Variants in GALK2 observed in about 807,000 individuals in gnomAD.
GALK2 encodes the protein galactokinase 2.
Under a neutral mutation model 52.4 loss-of-function variants are expected in GALK2, and 36 were observed. That is an observed-to-expected ratio of 0.69 (90% CI 0.53 to 0.91). The LOEUF (loss-of-function observed/expected upper bound fraction) is 0.91. Ranked by LOEUF, GALK2 falls within the 40% of genes least tolerant of loss-of-function variation. The pLI is 0.00. For missense variants in GALK2, 579 were observed against 559.1 expected (o/e 1.04, Z -0.36); for synonymous variants, 176 against 199.1 (o/e 0.88, Z 0.98).
chr15:49,182,787 T>A (rs1012845100), intron 1 of GALK2, among the ~76,000 whole-genome samples: 1 of 152,226 alleles, frequency 6.6e-6, no homozygotes, highest in Admixed American at 6.5e-5. Context: ...TTTTTATGTC[T>A]TTTGAAAAAT....
intron 9 of GALK2, among the ~76,000 whole-genome samples, chr15:49,326,318 C>T (rs2037485887): frequency 7.2e-6 from 1 of 138,244 alleles, no homozygotes; most frequent in Non-Finnish European, 1.5e-5. Context: ...TGGAGTGCAG[C>T]GGTGCAATCT....
chr15:49,189,819 A>G (rs2086601213), intron 1 of GALK2, among the ~76,000 whole-genome samples: 1 of 152,184 alleles, frequency 6.6e-6, no homozygotes, highest in Non-Finnish European at 1.5e-5. Context: ...TGCTACTCAG[A>G]ATAGTGTGCA....
intron 8 of GALK2, among the ~76,000 whole-genome samples, chr15:49,301,140 T>C (rs1256285333): frequency 7.2e-5 from 11 of 152,098 alleles, no homozygotes; most frequent in Admixed American, 7.2e-4. Flanking sequence ...AACCTTGAGG[T>C]GACAGTGTAG....
At chr15:49,318,338 T>C (rs1028661580) in intron 8 of GALK2, 1 of 152,214 alleles carries the variant, frequency 6.6e-6, no homozygotes, top group Non-Finnish European at 1.5e-5. Context: ...GAAAATAAAA[T>C]CACCCATAAT....
intron 1 of GALK2, among the ~76,000 whole-genome samples, chr15:49,159,653 A>G (rs987395173): frequency 2.6e-5 from 4 of 152,030 alleles, no homozygotes; most frequent in African/African-American, 9.7e-5. Flanking sequence ...TTTAGTAATT[A>G]CTTGAATTGA....
chr15:49,218,411 A>G (rs545117384), intron 3 of GALK2, among the ~76,000 whole-genome samples: 4 of 152,216 alleles, frequency 2.6e-5, no homozygotes, highest in African/African-American at 9.7e-5. Flanking sequence ...CATTCCCACA[A>G]TAATGAATAT....
intron 3 of GALK2, among the ~76,000 whole-genome samples, chr15:49,345,517 A>G (rs1382105310): frequency 6.6e-6 from 1 of 152,224 alleles, no homozygotes; most frequent in Non-Finnish European, 1.5e-5. Context: ...TCCGAATTAG[A>G]TAAAACAGAA....
chr15:49,346,282 CA>C (rs1307500724), intron 3 of GALK2, among the ~76,000 whole-genome samples: 2 of 152,122 alleles, frequency 1.3e-5, no homozygotes, highest in African/African-American at 4.8e-5. Flanking sequence ...CATGGAGGGC[CA>C]AAAACTCTAC....
intron 8 of GALK2, among the ~76,000 whole-genome samples, 189 bp from the exon 9 acceptor site, chr15:49,319,415 A>G (rs2036702148): frequency 6.6e-6 from 1 of 152,256 alleles, no homozygotes; most frequent in Admixed American, 6.5e-5. Flanking sequence ...AGTATCAAGA[A>G]AAAAGTAAAC....
intron 5 of GALK2, among the ~76,000 whole-genome samples, chr15:49,240,175 G>T (rs747014968): frequency 3.6e-4 from 55 of 152,322 alleles, no homozygotes; most frequent in Non-Finnish European, 5.1e-4. Context: ...TAGCTGTCCT[G>T]TGTAAGTGTA....
At chr15:49,354,445 G>T (rs2151328742) in intron 3 of GALK2, among the ~76,000 whole-genome samples, 1 of 152,338 alleles carries the variant, frequency 6.6e-6, no homozygotes, top group East Asian at 1.9e-4. Context: ...AAGCGCAAGG[G>T]GTCAGGGAGT....
At chr15:49,326,254 CATTTTT>C in intron 9 of GALK2, among the ~76,000 whole-genome samples, 1 of 126,314 alleles carries the variant, frequency 7.9e-6, no homozygotes, top group East Asian at 2.4e-4. Context: ...ATATGACAAC[CATTTTT>C]TTTTTTTTTT....
intron 8 of GALK2, among the ~76,000 whole-genome samples, chr15:49,299,784 T>TTTCTTTCTTTCTTTCTTTCTTTCC (rs1567037764): frequency 1.4e-5 from 2 of 140,154 alleles, no homozygotes; most frequent in Admixed American, 7.2e-5. Context: ...TCTTTCTTTC[T>TTTCTTTCTTTCTTTCTTTCTTTCC]TTCTTTCTTT....
chr15:49,282,422 C>T (rs541231451), intron 6 of GALK2, among the ~76,000 whole-genome samples: 1 of 150,928 alleles, frequency 6.6e-6, no homozygotes, highest in East Asian at 1.9e-4. Context: ...TGCTCCTATC[C>T]TAAATCACTT....
At chr15:49,164,444 A>G (rs751006101) in intron 1 of GALK2, among the ~76,000 whole-genome samples, 3 of 152,220 alleles carry the variant, frequency 2.0e-5, no homozygotes, top group Middle Eastern at 3.4e-3. Flanking sequence ...AGAATTGTCT[A>G]GTTTGAAGAT....
In GALK2 at chr15:49,304,589, G is replaced by A. The variant is rs139200127; in HGVS notation, c.967+12052G>A. On this transcript the variant is annotated intron_variant, in intron 8 of 9. Transcript: ENST00000560031. ...ATTGGCCAAAGCCAGTCAGATGGAT[G>A]TGATGAACTTCAGTGAGGGTGAGGT... Among the ~76,000 whole-genome samples the A allele has an allele frequency of 1.1e-3, 170 of 152,310 alleles. 1 individual carries two copies. Among genetic ancestry groups the A allele is most frequent in the African/African-American group, 4.0e-3 (165 of 41,568 alleles).
At chr15:49,206,097 A>G (rs1239249078) in intron 2 of GALK2, among the ~76,000 whole-genome samples, 1 of 152,052 alleles carries the variant, frequency 6.6e-6, no homozygotes, top group Non-Finnish European at 1.5e-5. Context: ...CTACGTGCCT[A>G]TTTTTATACT....
Position 49,157,166 on chromosome 15 carries a change from C to A in GALK2, c.20+1150C>A, listed in dbSNP as rs192813648. Among the ~76,000 whole-genome samples, 309 of 152,234 alleles carry A rather than the reference C, an allele frequency of 2.0e-3. 4 individuals carry two copies. The highest frequency in any genetic ancestry group is 0.017 in the Admixed American group (267 of 15,286). On this transcript the variant is annotated intron_variant, in intron 1 of 9. Transcript: ENST00000327171. ...ACCAACTTTTAAATTGGTCATATGA[C>A]CCCTTGGGAAGTGTCCTGAATCCCT...
intron 5 of GALK2, among the ~76,000 whole-genome samples, chr15:49,264,185 TC>T (rs1346080642): frequency 2.0e-5 from 3 of 151,822 alleles, no homozygotes; most frequent in African/African-American, 7.3e-5. Flanking sequence ...GGTTCCATTC[TC>T]CCCATCACTT....
Sources: allele counts gnomAD v4.1 joint callset (sites outside exome capture counted in the v4.1 genomes callset), GRCh38; gene constraint gnomAD v4.1.1; transcripts MANE v1.5; gene names NCBI Gene and HGNC (gene_info 2026-07-23, HGNC 2026-07-21).